UNC80: variants seen among roughly 807,000 people sequenced by gnomAD.
The protein encoded by UNC80 is protein unc-80 homolog.
A neutral mutation model predicts 384.6 loss-of-function variants in UNC80; 164 were observed. The ratio of observed to expected loss-of-function variants is 0.43; its 90% CI spans 0.38 to 0.49. The LOEUF is 0.49. Among genes scored for constraint, UNC80 ranks in the 20% least tolerant of loss-of-function variants. The probability of loss-of-function intolerance (pLI) is 0.00; values close to 1 mark genes in which losing one functional copy is unlikely to be tolerated. For synonymous variants in UNC80, 1,486 were observed against 1,527.8 expected (o/e 0.97, Z 0.64); for missense variants, 3,330 against 4,143.0 (o/e 0.80, Z 5.39).
intron 5 of UNC80, among the ~76,000 whole-genome samples, chr2:209,787,910 G>A (rs1478551874): frequency 1.3e-5 from 2 of 152,166 alleles, no homozygotes; most frequent in Non-Finnish European, 2.9e-5. Context: ...TGTTCCAGAA[G>A]AAGGCATTGT....
intron 36 of UNC80, 117 bp from the exon 37 acceptor site, chr2:209,929,754 T>A: frequency 1.5e-6 from 1 of 686,562 alleles, no homozygotes. Context: ...GAAAAAAGAG[T>A]TCACAGAGCC....
chr2:209,976,448 C>A lies in UNC80; in HGVS notation c.8772+145C>A, dbSNP rs6758085. On this transcript the variant is annotated intron_variant, in intron 57 of 64. Coordinates refer to ENST00000673920, the MANE Select transcript of UNC80 (RefSeq NM_001371986.1). The surrounding 1 kb of genome is among the most constrained non-coding windows in gnomAD (Gnocchi z 4.3). ...GTTAATACCATGCTTGATGAGAAAA[C>A]CGCCCAAAAATATATTCCAGAGGAT... 7,599 of 1,052,014 alleles carry A rather than the reference C, an allele frequency of 7.2e-3. 381 individuals are homozygous for A. In the African/African-American group the frequency reaches 0.11, roughly 15 times the overall value. The allele number at this position is 1,052,014 out of a possible 1,614,324, so 65.2% of individuals were successfully genotyped here. A position where few individuals can be genotyped will look rare whatever the true frequency, so the allele number is the denominator to read the frequency against.
intron 22 of UNC80, among the ~76,000 whole-genome samples, chr2:209,861,005 C>G (rs1212531940): frequency 1.3e-5 from 2 of 152,156 alleles, no homozygotes; most frequent in African/African-American, 4.8e-5. Flanking sequence ...CAATGACAAG[C>G]TGACTTCCTC....
In UNC80 at chr2:209,918,655, G is replaced by A; in HGVS notation, c.5335G>A (p.Asp1779Asn). 2 of 1,546,996 alleles carry A rather than the reference G, an allele frequency of 1.3e-6. No homozygotes were observed. Among genetic ancestry groups the A allele is most frequent in the Non-Finnish European group, 1.7e-6 (2 of 1,143,856 alleles). Residue 1779 changes from aspartate (D) to asparagine (N), a missense_variant, in exon 33 of 65, where the codon GAC becomes AAC. This residue lies in a region of UNC80 where 1,049 missense variants were observed against 1,488.6 expected (regional missense o/e 0.70). Coordinates refer to ENST00000673920, the MANE Select transcript of UNC80 (RefSeq NM_001371986.1). Reference protein sequence around the residue: ...SGSVQDPINEDQSKSFSARAV... With the variant: ...SGSVQDPINENQSKSFSARAV... The stretch of plus-strand genomic sequence containing the variant: ...GAGTGTCCAGGACCCCATTAATGAA[G>A]ACCAGTCTGTGAGTAACAGACACTT...
chr2:209,926,711 G>T (rs2090464083), intron 35 of UNC80, 132 bp from the exon 36 acceptor site: 1 of 1,121,522 alleles, frequency 8.9e-7, no homozygotes, highest in African/African-American at 1.5e-5. Flanking sequence ...AAGAAGTCGA[G>T]GCTGCAGTGA....
At chr2:209,864,012 G>A (rs2083527728) in intron 22 of UNC80, among the ~76,000 whole-genome samples, 1 of 151,872 alleles carries the variant, frequency 6.6e-6, no homozygotes, top group Non-Finnish European at 1.5e-5. Flanking sequence ...CTTGGATGGG[G>A]TTTTTGTGGG....
intron 33 of UNC80, 38 bp from the exon 34 acceptor site, chr2:209,921,462 A>T (rs929945455): frequency 3.3e-6 from 5 of 1,518,838 alleles, no homozygotes; most frequent in Middle Eastern, 1.7e-4. Context: ...CTTGCAGAAG[A>T]ATTGCTATTA....
intron 37 of UNC80, among the ~76,000 whole-genome samples, chr2:209,930,390 G>A (rs750477326): frequency 1.2e-4 from 18 of 152,052 alleles, no homozygotes; most frequent in Non-Finnish European, 2.1e-4. Context: ...AGTCTTTCAA[G>A]CAGTGGCAAA....
intron 7 of UNC80, among the ~76,000 whole-genome samples, chr2:209,802,569 C>T (rs977134822): frequency 2.0e-5 from 3 of 152,122 alleles, no homozygotes; most frequent in African/African-American, 7.2e-5. Flanking sequence ...TTTAGTGCTC[C>T]CTCTTGAAGT....
intron 28 of UNC80, among the ~76,000 whole-genome samples, chr2:209,903,767 A>G (rs2087835769): frequency 1.3e-5 from 2 of 149,924 alleles, no homozygotes; most frequent in Non-Finnish European, 2.9e-5. Flanking sequence ...TTATTAGCTT[A>G]TAGTCTTTAT....
Position 209,984,849 on chromosome 2 carries a change from C to T in UNC80, c.9258-7C>T. 2 of 1,548,608 alleles carry T rather than the reference C, an allele frequency of 1.3e-6. No homozygotes were observed. The highest frequency in any genetic ancestry group is 1.7e-6 in the Non-Finnish European group (2 of 1,145,858). On this transcript the variant is annotated splice_region_variant and splice_polypyrimidine_tract_variant and intron_variant, in intron 60 of 64. Coordinates refer to ENST00000673920, the MANE Select transcript of UNC80 (RefSeq NM_001371986.1). The stretch of plus-strand genomic sequence containing the variant: ...CTAAATGCTTCATCTCCCTACCCCT[C>T]CTGCAGTGAACCTAATGTCCTCGAT...
In UNC80 at chr2:209,959,624, G is replaced by C; in HGVS notation, c.7722G>C (p.Gly2574=). The C allele has an allele frequency of 6.4e-7, 1 of 1,551,706 alleles. No individual in the cohort carries two copies. The highest frequency in any genetic ancestry group is 1.2e-5 in the South Asian group (1 of 84,054). The change falls in exon 51 of 65, where the codon GGG becomes GGC. Residue 2574 remains glycine, a synonymous_variant. Transcript: ENST00000673920. ...GCACTGAGTTCTATAAGCACTGTGG[G>C]CCACGGCTGAAGATCTTGCAAAATC... ...NICTEFYKHC[G]PRLKILQNLA...
intron 22 of UNC80, among the ~76,000 whole-genome samples, chr2:209,866,527 C>CAG (rs1553556925): frequency 8.4e-4 from 76 of 90,962 alleles, no homozygotes; most frequent in Admixed American, 1.7e-3. Flanking sequence ...CACACACACA[C>CAG]ACACACAGAG....
At chr2:209,828,962 G>T (rs960011690) in intron 14 of UNC80, among the ~76,000 whole-genome samples, 4 of 151,902 alleles carry the variant, frequency 2.6e-5, no homozygotes, top group Admixed American at 6.6e-5. Context: ...TGAAAATACT[G>T]AACTCTTTCT....
Position 209,921,602 on chromosome 2 carries a change from G to T in UNC80, c.5446G>T (p.Ala1816Ser). 1 of 1,551,692 alleles carries T rather than the reference G, an allele frequency of 6.4e-7. No homozygotes were observed. The highest frequency in any genetic ancestry group is 8.7e-7 in the Non-Finnish European group (1 of 1,146,996). Reference protein sequence around the residue: ...EEEKKRLGREASLITAIPITQ... With the variant: ...EEEKKRLGRESSLITAIPITQ... Reference sequence around the variant, plus strand: ...AGAAAAGAAACGACTTGGTAGAGAAGCCAGCCTCATCACTGCCATCCCCAT... The same window carrying T: ...AGAAAAGAAACGACTTGGTAGAGAATCCAGCCTCATCACTGCCATCCCCAT... Residue 1816 changes from alanine (A) to serine (S), a missense_variant, in exon 34 of 65, where the codon GCC (alanine) becomes TCC (serine). By Grantham distance (99) the Ala-to-Ser change is moderately conservative. Coordinates refer to ENST00000673920, the MANE Select transcript of UNC80 (RefSeq NM_001371986.1).
intron 17 of UNC80, 108 bp from the exon 18 acceptor site, chr2:209,834,804 A>C: frequency 1.1e-6 from 1 of 872,322 alleles, no homozygotes; most frequent in African/African-American, 1.7e-5. Context: ...TAAAGTTCAC[A>C]AGCTGCAAAG....
At chr2:209,775,371 G>A (rs2076807601) in intron 2 of UNC80, among the ~76,000 whole-genome samples, 1 of 152,126 alleles carries the variant, frequency 6.6e-6, no homozygotes. Flanking sequence ...GGTAGAGAGT[G>A]TTCTGTGCCG....
At chr2:209,782,339 T>G (rs920407389) in intron 4 of UNC80, among the ~76,000 whole-genome samples, 28 of 152,288 alleles carry the variant, frequency 1.8e-4, no homozygotes, top group African/African-American at 6.3e-4. Context: ...TAACATACTT[T>G]TTTTCAGATC....
chr2:209,977,387 T>G (rs2125017950), intron 58 of UNC80, among the ~76,000 whole-genome samples: 1 of 152,334 alleles, frequency 6.6e-6, no homozygotes, highest in African/African-American at 2.4e-5. Flanking sequence ...GGAAGAAAAA[T>G]GGTTTAAATC....
Sources: gnomAD v4.1 joint callset for allele counts (sites outside exome capture counted in the v4.1 genomes callset) on GRCh38, gnomAD v4.1.1 for gene constraint, gnomAD v4.1.1 regional missense constraint, Gnocchi (gnomAD v3.1) non-coding constraint, MANE v1.5 for transcripts, NCBI Gene and HGNC (gene_info 2026-07-23, HGNC 2026-07-21) for gene names.